Variants in GMDS observed in about 807,000 individuals in gnomAD.
GMDS encodes the protein GDP-mannose 4,6 dehydratase.
A neutral mutation model predicts 49.9 loss-of-function variants in GMDS; 20 were observed. The observed-to-expected ratio is 0.40, with a 90% confidence interval of 0.28 to 0.58. The LOEUF (loss-of-function observed/expected upper bound fraction) is 0.58. Ranked by LOEUF, GMDS falls within the 20% of genes least tolerant of loss-of-function variation. GMDS has a pLI of 0.42. For synonymous variants in GMDS, 177 were observed against 178.6 expected (o/e 0.99, Z 0.07); for missense variants, 362 against 481.4 (o/e 0.75, Z 2.32).
chr6:1,813,223 T>TAAA (rs56705761), intron 7 of GMDS, among the ~76,000 whole-genome samples: 13 of 85,276 alleles, frequency 1.5e-4, no homozygotes, highest in African/African-American at 5.1e-4. Context: ...CTCTGTCTCT[T>TAAA]AAAAAAAAAA....
chr6:1,811,071 G>C (rs1770407804), intron 7 of GMDS, among the ~76,000 whole-genome samples: 1 of 152,032 alleles, frequency 6.6e-6, no homozygotes, highest in Non-Finnish European at 1.5e-5. Flanking sequence ...ACAGAATCTT[G>C]ATGAGAGCTG....
chr6:1,887,946 T>TTTTTG (rs915849512), intron 7 of GMDS, among the ~76,000 whole-genome samples: 23 of 151,964 alleles, frequency 1.5e-4, no homozygotes, highest in Non-Finnish European at 2.2e-4. Context: ...TTTTTAGGTT[T>TTTTTG]TTTTGTTTTG....
chr6:2,190,480 C>G (rs1246522682), intron 1 of GMDS, among the ~76,000 whole-genome samples: 2 of 152,192 alleles, frequency 1.3e-5, no homozygotes, highest in Non-Finnish European at 2.9e-5. Context: ...TGTTTTTGCT[C>G]AAGGTCTCAC....
At chr6:1,893,687 A>C (rs1403896388) in intron 7 of GMDS, among the ~76,000 whole-genome samples, 2 of 152,222 alleles carry the variant, frequency 1.3e-5, no homozygotes, top group East Asian at 3.9e-4. Context: ...GCTGGAATGC[A>C]GCTGCAATAA....
chr6:2,064,972 C>A (rs990705582), intron 4 of GMDS, among the ~76,000 whole-genome samples: 1 of 152,142 alleles, frequency 6.6e-6, no homozygotes, highest in Non-Finnish European at 1.5e-5. Context: ...GCATGTGGCA[C>A]AGAAAGGGCT....
intron 4 of GMDS, among the ~76,000 whole-genome samples, chr6:2,066,741 C>G (rs1771621482): frequency 6.6e-6 from 1 of 152,162 alleles, no homozygotes; most frequent in African/African-American, 2.4e-5. Context: ...GCGCCCAATA[C>G]AGGAGCACCC....
chr6:1,789,943 A>G (rs1009154879), intron 7 of GMDS, among the ~76,000 whole-genome samples: 1 of 152,330 alleles, frequency 6.6e-6, no homozygotes, highest in Admixed American at 6.5e-5. Context: ...ACTTATATTT[A>G]TGAGCCTCTA....
intron 7 of GMDS, among the ~76,000 whole-genome samples, chr6:1,853,502 A>G (rs1489086338): frequency 7.5e-6 from 1 of 132,970 alleles, no homozygotes; most frequent in Non-Finnish European, 1.5e-5. Flanking sequence ...TGGGCGACAG[A>G]GCGAGACTCC....
At chr6:1,808,902 CTCTG>C (rs747541558) in intron 7 of GMDS, among the ~76,000 whole-genome samples, 38 of 127,352 alleles carry the variant, frequency 3.0e-4, no homozygotes, top group African/African-American at 6.7e-4. Context: ...TGCATGCTCT[CTCTG>C]TGTGTGTGTG....
intron 1 of GMDS, among the ~76,000 whole-genome samples, chr6:2,151,874 CAAATT>C (rs990324139): frequency 6.6e-6 from 1 of 151,962 alleles, no homozygotes; most frequent in Non-Finnish European, 1.5e-5. Flanking sequence ...TTTCTTATGA[CAAATT>C]AAAATTAGAT....
At chr6:2,126,681 C>G (rs1412151017) in intron 1 of GMDS, among the ~76,000 whole-genome samples, 1 of 152,168 alleles carries the variant, frequency 6.6e-6, no homozygotes, top group Non-Finnish European at 1.5e-5. Flanking sequence ...TTCACCCAGG[C>G]CGGAGTGCAG....
intron 1 of GMDS, among the ~76,000 whole-genome samples, chr6:2,177,415 AT>A (rs1581754291): frequency 1.3e-5 from 2 of 152,356 alleles, no homozygotes; most frequent in East Asian, 3.9e-4. Flanking sequence ...TCAGGCCAAT[AT>A]CCCTGATAAA....
chr6:1,929,990 T>C, intron 7 of GMDS, 113 bp downstream of exon 7: 1 of 929,324 alleles, frequency 1.1e-6, no homozygotes, highest in Non-Finnish European at 1.7e-6. Context: ...ATACCTGCCT[T>C]GGCAAAGGTT....
At chr6:1,965,499 C>T (rs1186545557) in intron 4 of GMDS, among the ~76,000 whole-genome samples, 2 of 152,064 alleles carry the variant, frequency 1.3e-5, no homozygotes, top group Non-Finnish European at 2.9e-5. Flanking sequence ...AAAATCTGAA[C>T]AGTACATTGT....
At chr6:1,663,498 C>A (rs948381029) in intron 9 of GMDS, among the ~76,000 whole-genome samples, 2 of 152,162 alleles carry the variant, frequency 1.3e-5, no homozygotes, top group Non-Finnish European at 2.9e-5. Context: ...CTTGCCCCTG[C>A]GGAATTTTTC....
chr6:2,145,990 AAGTGC>A (rs1277243600), intron 1 of GMDS, among the ~76,000 whole-genome samples: 1 of 152,252 alleles, frequency 6.6e-6, no homozygotes, highest in African/African-American at 2.4e-5. Flanking sequence ...CTATGCTGGC[AAGTGC>A]ATGGGCAGGT....
chr6:1,679,268 CCT>C (rs1764715658), intron 9 of GMDS: 2 of 152,150 alleles, frequency 1.3e-5, no homozygotes, highest in Admixed American at 1.3e-4. Flanking sequence ...TGCAAATAGC[CCT>C]GTGACACCCT....
At chr6:2,160,836 T>C (rs773082790) in intron 1 of GMDS, among the ~76,000 whole-genome samples, 36 of 151,252 alleles carry the variant, frequency 2.4e-4, no homozygotes, top group Non-Finnish European at 4.3e-4. Flanking sequence ...GACCAAAGAC[T>C]CTGATGTATT....
chr6:1,800,940 A>G (rs1482765057), intron 7 of GMDS, among the ~76,000 whole-genome samples: 9 of 152,194 alleles, frequency 5.9e-5, no homozygotes. Flanking sequence ...CTGCTGGAGG[A>G]GCGAACTCTG....
Sources: allele counts gnomAD v4.1 joint callset (sites outside exome capture counted in the v4.1 genomes callset), GRCh38; gene constraint gnomAD v4.1.1; transcripts MANE v1.5; gene names NCBI Gene and HGNC (gene_info 2026-07-23, HGNC 2026-07-21).